Variants in GATAD2A observed in about 807,000 individuals in gnomAD.
GATAD2A encodes GATA zinc finger domain containing 2A, also known as transcriptional repressor p66-alpha.
GATAD2A carries 12 observed loss-of-function variants against 68.5 expected under a neutral mutation model. The observed-to-expected ratio is 0.18, with a 90% confidence interval of 0.11 to 0.28. The LOEUF (loss-of-function observed/expected upper bound fraction) is 0.28. Among genes scored for constraint, GATAD2A ranks in the 10% least tolerant of loss-of-function variants. GATAD2A has a pLI of 1.00. For missense variants in GATAD2A, 755 were observed against 868.5 expected, an observed-to-expected ratio of 0.87 and a Z score of 1.64; for synonymous variants, 410 against 375.3, an observed-to-expected ratio of 1.09 and a Z score of -1.07.
chr19:19,422,768 G>C lies in GATAD2A; in HGVS notation c.-7+16749G>C, dbSNP rs555129725. Among the ~76,000 whole-genome samples the C allele has an allele frequency of 7.3e-5, 11 of 150,684 alleles. No homozygotes were observed. The South Asian group carries it at 2.3e-3, about 32-fold the overall frequency. ...GCTCTGTCACCCAGGCTGGAGTGCAGTGACGCGATCTTGGCTCACTGCAAG... is the reference window on the plus strand; with the variant it reads ...GCTCTGTCACCCAGGCTGGAGTGCACTGACGCGATCTTGGCTCACTGCAAG... On this transcript the variant is annotated intron_variant, in intron 1 of 11. Coordinates refer to ENST00000683918, the MANE Select transcript of GATAD2A (RefSeq NM_001384528.1).
At chr19:19,451,236 C>T (rs1222920016) in intron 1 of GATAD2A, among the ~76,000 whole-genome samples, 2 of 151,702 alleles carry the variant, frequency 1.3e-5, no homozygotes, top group African/African-American at 2.4e-5. Flanking sequence ...AAAAAATTAG[C>T]CGTTTGTGGT....
At position 19,465,363 on chromosome 19, in the gene GATAD2A, C is replaced by T. The variant is rs1158284963; in HGVS notation, c.18C>T (p.Cys6=). ...AGTTCAGAATGACCGAAGAAGCATGCCGAACACGGAGTCAGAAACGAGCGC... is the reference window on the plus strand; with the variant it reads ...AGTTCAGAATGACCGAAGAAGCATGTCGAACACGGAGTCAGAAACGAGCGC... MTEEA[C]RTRSQKRALE... Residue 6 remains cysteine (C), a synonymous_variant, in exon 2 of 12, where the codon TGC becomes TGT. Transcript: ENST00000683918. 6.2e-7 allele frequency: 1 copy of T among 1,613,776 alleles called. No individual in the cohort carries two copies. The highest frequency in any genetic ancestry group is 8.5e-7 in the Non-Finnish European group (1 of 1,179,760).
At chr19:19,463,650 G>A (rs548836825) in intron 1 of GATAD2A, among the ~76,000 whole-genome samples, 7 of 152,326 alleles carry the variant, frequency 4.6e-5, no homozygotes, top group South Asian at 4.1e-4. Flanking sequence ...TTGAGATTCG[G>A]AGTCTCCCTG....
intron 7 of GATAD2A, 34 bp from the exon 8 acceptor site, chr19:19,498,409 C>T (rs372091172): frequency 1.3e-4 from 207 of 1,580,834 alleles, no homozygotes; most frequent in Non-Finnish European, 1.6e-4. Context: ...GGCAGGCGCA[C>T]GGAGCGCCCT....
Position 19,492,721 on chromosome 19 carries a change from C to T in GATAD2A, c.534+9C>T. ...AAGCCACCGCCCAGAAGGTGCGTGC[C>T]TGTCTCCCCTCCTTCCTGGGCCAGC... On this transcript the variant is annotated intron_variant, in intron 4 of 11. Transcript: ENST00000683918. 6.2e-7 allele frequency: 1 copy of T among 1,613,954 alleles called. No homozygotes were observed. Among genetic ancestry groups the T allele is most frequent in the South Asian group, 1.1e-5 (1 of 91,080 alleles).
intron 2 of GATAD2A, among the ~76,000 whole-genome samples, chr19:19,489,348 G>A (rs553262342): frequency 2.0e-5 from 3 of 152,356 alleles, no homozygotes; most frequent in South Asian, 2.1e-4. Flanking sequence ...TGAAGGCTGC[G>A]TGTCACAAAC....
At chr19:19,435,680 TCTCTACTA>T (rs2054256759) in intron 1 of GATAD2A, among the ~76,000 whole-genome samples, 3 of 152,006 alleles carry the variant, frequency 2.0e-5, no homozygotes. Flanking sequence ...CAAAACCCCG[TCTCTACTA>T]AAAATACAAA....
In GATAD2A at chr19:19,505,591, G is replaced by A. The variant is rs1316630258; in HGVS notation, c.*117G>A. On this transcript the variant is annotated 3_prime_UTR_variant, in exon 12 of 12. Transcript: ENST00000683918. ...GGAAGACACCGTGCCCGCCCCAAGA[G>A]CAAGCACCGGCCATGCTGCAGAGGC... 2.3e-6 allele frequency: 2 copies of A among 882,196 alleles called. No homozygotes were observed. Among genetic ancestry groups the A allele is most frequent in the Non-Finnish European group, 3.3e-6 (2 of 601,746 alleles). The allele number at this position is 882,196 out of a possible 1,614,324, so 54.6% of individuals were successfully genotyped here. A position where few individuals can be genotyped will look rare whatever the true frequency, so the allele number is the denominator to read the frequency against.
intron 1 of GATAD2A, among the ~76,000 whole-genome samples, chr19:19,426,036 C>T (rs752230081): frequency 1.3e-5 from 2 of 152,160 alleles, no homozygotes; most frequent in Non-Finnish European, 2.9e-5. Flanking sequence ...AATCCATCCA[C>T]CTCGGCCTCC....
chr19:19,469,817 C>T (rs959517564), intron 2 of GATAD2A, among the ~76,000 whole-genome samples: 1 of 151,100 alleles, frequency 6.6e-6, no homozygotes, highest in African/African-American at 2.4e-5. Context: ...CGTGGTGGCA[C>T]GCACCTATAG....
chr19:19,470,374 T>A (rs978367004), intron 2 of GATAD2A, among the ~76,000 whole-genome samples: 1 of 152,024 alleles, frequency 6.6e-6, no homozygotes, highest in Non-Finnish European at 1.5e-5. Context: ...GACCTCGTGA[T>A]CCGCCCGCCT....
At chr19:19,424,303 C>T (rs753016427) in intron 1 of GATAD2A, among the ~76,000 whole-genome samples, 11 of 152,118 alleles carry the variant, frequency 7.2e-5, no homozygotes, top group South Asian at 2.1e-4. Context: ...GATATTGGCT[C>T]ACTGTATCCT....
At chr19:19,472,778 T>C (rs1220467467) in intron 2 of GATAD2A, 1 of 152,152 alleles carries the variant, frequency 6.6e-6, no homozygotes, top group Non-Finnish European at 1.5e-5. Flanking sequence ...GAGAACTCTG[T>C]GAATGGCCAC....
chr19:19,449,930 T>G (rs144746184), intron 1 of GATAD2A, among the ~76,000 whole-genome samples: 354 of 151,416 alleles, frequency 2.3e-3, no homozygotes, highest in Non-Finnish European at 3.4e-3. Context: ...TTTACTTCCT[T>G]CATTGTTTTA....
chr19:19,457,478 C>T (rs974391488), intron 1 of GATAD2A, among the ~76,000 whole-genome samples: 4 of 152,200 alleles, frequency 2.6e-5, no homozygotes, highest in African/African-American at 4.8e-5. Flanking sequence ...CGGTGGCTCA[C>T]GCCTGTAATC....
At chr19:19,391,308 G>A (rs1008009532) in intron 1 of GATAD2A, among the ~76,000 whole-genome samples, 1 of 152,004 alleles carries the variant, frequency 6.6e-6, no homozygotes, top group African/African-American at 2.4e-5. Flanking sequence ...TTTTCTTCCT[G>A]GAAATATACC....
In GATAD2A at chr19:19,494,298, C is replaced by T; in HGVS notation, c.539C>T (p.Thr180Ile). 3.1e-6 allele frequency: 5 copies of T among 1,603,872 alleles called. No individual in the cohort carries two copies. Among genetic ancestry groups the T allele is most frequent in the Admixed American group, 1.7e-5 (1 of 59,946 alleles). Reference sequence around the variant, plus strand: ...TGGTGTCCTGCTCTCTTGCAGCCCACAGGTTCTGTTGGGAGCACCGTGACC... The same window carrying T: ...TGGTGTCCTGCTCTCTTGCAGCCCATAGGTTCTGTTGGGAGCACCGTGACC... ...IQKEATAQKP[T>I]GSVGSTVTTP... The change falls in exon 5 of 12, where the codon ACA (threonine) becomes ATA (isoleucine). Residue 180 changes from threonine (T) to isoleucine (I), a missense_variant. Transcript: ENST00000683918.
intron 1 of GATAD2A, among the ~76,000 whole-genome samples, chr19:19,386,776 G>C (rs10415636): frequency 0.011 from 1,603 of 152,120 alleles, 29 homozygotes; most frequent in African/African-American, 0.037. Context: ...CTGCCGGAGG[G>C]AACCCCCACC....
intron 1 of GATAD2A, among the ~76,000 whole-genome samples, chr19:19,431,503 G>C (rs1484840580): frequency 2.0e-5 from 3 of 151,408 alleles, no homozygotes; most frequent in Non-Finnish European, 4.4e-5. Context: ...AGACCAGTGT[G>C]GCCAGTATGG....
Sources: allele counts gnomAD v4.1 joint callset (sites outside exome capture counted in the v4.1 genomes callset), GRCh38; gene constraint gnomAD v4.1.1; transcripts MANE v1.5; gene names NCBI Gene and HGNC (gene_info 2026-07-23, HGNC 2026-07-21).